ARHGAP18: variants seen among roughly 807,000 people sequenced by gnomAD.
The protein encoded by ARHGAP18 is rho GTPase-activating protein 18.
Under a neutral mutation model 86.2 loss-of-function variants are expected in ARHGAP18, and 67 were observed. The observed-to-expected ratio is 0.78, with a 90% CI of 0.64 to 0.95. The LOEUF (loss-of-function observed/expected upper bound fraction) is 0.95, where lower values mean the gene tolerates loss of function less well. Ranked by LOEUF, ARHGAP18 falls within the 40% of genes least tolerant of loss-of-function variation. ARHGAP18 has a pLI of 0.00. For missense variants in ARHGAP18, 691 were observed against 780.4 expected (o/e 0.89, Z 1.37); for synonymous variants, 283 against 280.4 (o/e 1.01, Z -0.09).
intron 1 of ARHGAP18, among the ~76,000 whole-genome samples, chr6:129,663,628 T>C (rs1773992048): frequency 6.6e-6 from 1 of 152,202 alleles, no homozygotes; most frequent in Non-Finnish European, 1.5e-5. Context: ...TAGGACAGAT[T>C]GTATCGTGAC....
intron 13 of ARHGAP18, among the ~76,000 whole-genome samples, chr6:129,582,358 T>C (rs111866973): frequency 0.024 from 3,598 of 152,204 alleles, 74 homozygotes; most frequent in African/African-American, 0.051. Flanking sequence ...TATTAGCAAG[T>C]AGAGGAACAA....
chr6:129,676,031 T>C (rs1774226027), intron 1 of ARHGAP18, among the ~76,000 whole-genome samples: 1 of 152,196 alleles, frequency 6.6e-6, no homozygotes, highest in South Asian at 2.1e-4. Flanking sequence ...AAAAACCTGG[T>C]TGGTGCCATT....
chr6:129,596,357 T>C (rs1584031236), intron 12 of ARHGAP18, among the ~76,000 whole-genome samples: 1 of 152,248 alleles, frequency 6.6e-6, no homozygotes, highest in Non-Finnish European at 1.5e-5. Flanking sequence ...TTTCCTGAGA[T>C]ATACACACAA....
intron 1 of ARHGAP18, among the ~76,000 whole-genome samples, chr6:129,688,419 C>A (rs1269287341): frequency 6.6e-6 from 1 of 152,166 alleles, no homozygotes; most frequent in East Asian, 1.9e-4. Context: ...TGCTTATCAT[C>A]CTTAGTAGAA....
chr6:129,589,969 C>A (rs115771161), intron 12 of ARHGAP18, among the ~76,000 whole-genome samples: 1 of 152,254 alleles, frequency 6.6e-6, no homozygotes, highest in East Asian at 1.9e-4. Flanking sequence ...AACTTGGAGT[C>A]CAATGTTCCA....
chr6:129,578,733 G>C (rs1011459766), intron 14 of ARHGAP18, 129 bp from the exon 15 acceptor site: 59 of 648,822 alleles, frequency 9.1e-5, no homozygotes, highest in Non-Finnish European at 1.2e-4. Context: ...GGAGGCCGAG[G>C]TGGGCAGATT....
intron 1 of ARHGAP18, among the ~76,000 whole-genome samples, chr6:129,646,015 T>C (rs1029616377): frequency 1.3e-5 from 2 of 152,248 alleles, no homozygotes; most frequent in African/African-American, 4.8e-5. Flanking sequence ...CTGTTATTTA[T>C]TTTGTCATAG....
chr6:129,701,267 C>T (rs1404745396), intron 1 of ARHGAP18, among the ~76,000 whole-genome samples: 1 of 152,158 alleles, frequency 6.6e-6, no homozygotes, highest in Non-Finnish European at 1.5e-5. Flanking sequence ...GGCATCATTA[C>T]ACGATATGAT....
At chr6:129,679,576 G>A (rs901020061) in intron 1 of ARHGAP18, among the ~76,000 whole-genome samples, 1 of 152,206 alleles carries the variant, frequency 6.6e-6, no homozygotes, top group Non-Finnish European at 1.5e-5. Flanking sequence ...CACGATTAGA[G>A]GGCTGCTTTT....
chr6:129,578,849 A>G (rs960795313), intron 14 of ARHGAP18, among the ~76,000 whole-genome samples: 2 of 152,142 alleles, frequency 1.3e-5, no homozygotes, highest in Admixed American at 6.5e-5. Context: ...CTGTAGTCCC[A>G]GCTACTCAGG....
intron 1 of ARHGAP18, among the ~76,000 whole-genome samples, chr6:129,649,167 A>G (rs1442386827): frequency 6.6e-6 from 1 of 152,238 alleles, no homozygotes; most frequent in African/African-American, 2.4e-5. Context: ...AATTTCACAG[A>G]AACTTACTTC....
At chr6:129,645,362 C>A (rs1773557064) in intron 1 of ARHGAP18, among the ~76,000 whole-genome samples, 1 of 152,104 alleles carries the variant, frequency 6.6e-6, no homozygotes. Flanking sequence ...GTTCATTCTG[C>A]AAATGGGGTT....
At chr6:129,673,773 C>T (rs1584106291) in intron 1 of ARHGAP18, among the ~76,000 whole-genome samples, 1 of 152,164 alleles carries the variant, frequency 6.6e-6, no homozygotes, top group African/African-American at 2.4e-5. Flanking sequence ...ATTTCACCAA[C>T]TTTGAAAATC....
chr6:129,614,485 T>A (rs1407746890), intron 7 of ARHGAP18, among the ~76,000 whole-genome samples: 2 of 152,144 alleles, frequency 1.3e-5, no homozygotes, highest in Non-Finnish European at 2.9e-5. Flanking sequence ...AGCCAGAGTC[T>A]GCAGAATGTT....
chr6:129,671,347 T>C (rs1774137604), intron 1 of ARHGAP18, among the ~76,000 whole-genome samples: 1 of 152,106 alleles, frequency 6.6e-6, no homozygotes, highest in Non-Finnish European at 1.5e-5. Context: ...ACATTCTGCA[T>C]GAGAAATACA....
intron 10 of ARHGAP18, among the ~76,000 whole-genome samples, chr6:129,602,607 G>T (rs1256208211): frequency 6.6e-6 from 1 of 152,022 alleles, no homozygotes; most frequent in African/African-American, 2.4e-5. Context: ...ATCTAACAAT[G>T]AGATTTATGT....
chr6:129,599,766 G>A (rs1295979114), intron 11 of ARHGAP18, among the ~76,000 whole-genome samples: 4 of 152,104 alleles, frequency 2.6e-5, no homozygotes, highest in South Asian at 4.2e-4. Flanking sequence ...CCAGCTAGCC[G>A]CTGCTGTCAT....
At chr6:129,599,977 A>G (rs1282545677) in intron 11 of ARHGAP18, among the ~76,000 whole-genome samples, 3 of 152,216 alleles carry the variant, frequency 2.0e-5, no homozygotes, top group African/African-American at 7.2e-5. Context: ...ATTTGAAATC[A>G]TCTACATCAG....
chr6:129,682,334 A>G (rs975984489), intron 1 of ARHGAP18, among the ~76,000 whole-genome samples: 8 of 152,208 alleles, frequency 5.3e-5, no homozygotes, highest in Admixed American at 1.3e-4. Context: ...GAATCCTGAC[A>G]TGACCACTTC....
Sources: allele counts gnomAD v4.1 joint callset (sites outside exome capture counted in the v4.1 genomes callset), GRCh38; gene constraint gnomAD v4.1.1; transcripts MANE v1.5; gene names NCBI Gene and HGNC (gene_info 2026-07-23, HGNC 2026-07-21).